Variants in ENPP6 observed in about 807,000 individuals in gnomAD.
The protein encoded by ENPP6 is glycerophosphocholine cholinephosphodiesterase ENPP6.
Under a neutral mutation model 42.0 loss-of-function variants are expected in ENPP6, and 32 were observed. The ratio of observed to expected loss-of-function variants is 0.76; its 90% CI spans 0.58 to 1.02. The LOEUF (loss-of-function observed/expected upper bound fraction) is 1.02, where lower values mean the gene tolerates loss of function less well. Ranked by LOEUF, ENPP6 falls within the 50% of genes least tolerant of loss-of-function variation. The pLI is 0.00. For missense variants in ENPP6, 552 were observed against 566.8 expected (o/e 0.97, Z 0.27); for synonymous variants, 213 against 216.0 (o/e 0.99, Z 0.12).
At chr4:184,146,572 C>T (rs1197984535) in intron 2 of ENPP6, among the ~76,000 whole-genome samples, 1 of 152,208 alleles carries the variant, frequency 6.6e-6, no homozygotes, top group African/African-American at 2.4e-5. Flanking sequence ...AAGTCCAGAG[C>T]TGGCCGGGGT....
intron 1 of ENPP6, among the ~76,000 whole-genome samples, chr4:184,215,927 A>T (rs1031305789): frequency 6.6e-6 from 1 of 152,150 alleles, no homozygotes; most frequent in African/African-American, 2.4e-5. Flanking sequence ...CCTTGTGCCA[A>T]TATCAGGAGT....
At chr4:184,130,418 C>T (rs1164742075) in intron 2 of ENPP6, among the ~76,000 whole-genome samples, 7 of 122,988 alleles carry the variant, frequency 5.7e-5, no homozygotes, top group East Asian at 2.2e-4. Context: ...ATTAGCCGGG[C>T]GTGGTGGTGG....
chr4:184,107,778 G>A (rs1223409199), intron 6 of ENPP6, among the ~76,000 whole-genome samples: 1 of 152,082 alleles, frequency 6.6e-6, no homozygotes, highest in African/African-American at 2.4e-5. Flanking sequence ...AGCCGGGCGT[G>A]GTGGCGGGCG....
At chr4:184,211,549 ATC>A (rs1394522188) in intron 1 of ENPP6, among the ~76,000 whole-genome samples, 1 of 152,258 alleles carries the variant, frequency 6.6e-6, no homozygotes, top group African/African-American at 2.4e-5. Context: ...AAGGAATTGA[ATC>A]TCTGAATAGA....
chr4:184,108,395 T>C (rs746073072), intron 6 of ENPP6, among the ~76,000 whole-genome samples: 13 of 152,166 alleles, frequency 8.5e-5, no homozygotes, highest in Non-Finnish European at 1.8e-4. Flanking sequence ...CTTTTACCAT[T>C]TGGGGAGAAG....
At chr4:184,200,173 G>A (rs73872815) in intron 1 of ENPP6, among the ~76,000 whole-genome samples, 6,425 of 152,234 alleles carry the variant, frequency 0.042, 439 homozygotes, top group African/African-American at 0.14. Flanking sequence ...AACTGGCCTC[G>A]TTCAAGACAC....
intron 2 of ENPP6, among the ~76,000 whole-genome samples, chr4:184,125,550 G>A (rs1279819154): frequency 6.6e-6 from 1 of 152,102 alleles, no homozygotes; most frequent in Non-Finnish European, 1.5e-5. Context: ...CCCCACCCCT[G>A]GGTACATCTG....
intron 2 of ENPP6, among the ~76,000 whole-genome samples, chr4:184,140,893 A>C (rs1736806606): frequency 1.4e-5 from 2 of 140,348 alleles, no homozygotes; most frequent in African/African-American, 5.4e-5. Context: ...GACAAATGGG[A>C]TCTAATTAAA....
At chr4:184,103,842 C>T (rs1736044763) in intron 6 of ENPP6, among the ~76,000 whole-genome samples, 1 of 152,164 alleles carries the variant, frequency 6.6e-6, no homozygotes, top group Admixed American at 6.5e-5. Context: ...ATTGCTCAGG[C>T]CTCGGCCTGC....
intron 5 of ENPP6, among the ~76,000 whole-genome samples, chr4:184,114,255 C>T (rs528059685): frequency 2.5e-4 from 38 of 152,284 alleles, no homozygotes; most frequent in African/African-American, 8.4e-4. Flanking sequence ...CGTCAGCCAT[C>T]GCGCCTGGCC....
chr4:184,125,340 G>C (rs1162161373), intron 2 of ENPP6, among the ~76,000 whole-genome samples: 1 of 152,176 alleles, frequency 6.6e-6, no homozygotes, highest in South Asian at 2.1e-4. Flanking sequence ...CTTGACCAAG[G>C]GTTCAGAGAA....
intron 1 of ENPP6, among the ~76,000 whole-genome samples, chr4:184,214,097 G>A (rs1213006937): frequency 2.2e-5 from 3 of 133,404 alleles, no homozygotes; most frequent in African/African-American, 8.9e-5. Context: ...TTGTGGGGTG[G>A]GGGGAGGCGG....
intron 2 of ENPP6, among the ~76,000 whole-genome samples, chr4:184,131,595 C>T (rs945498358): frequency 5.9e-5 from 9 of 151,402 alleles, no homozygotes; most frequent in Non-Finnish European, 5.9e-5. Context: ...AACTCTTGAC[C>T]TCAGGTGATC....
intron 2 of ENPP6, among the ~76,000 whole-genome samples, chr4:184,133,875 T>G (rs533168715): frequency 6.6e-6 from 1 of 151,712 alleles, no homozygotes; most frequent in South Asian, 2.1e-4. Context: ...TTGATTGATT[T>G]TTTTTTTTTT....
At chr4:184,124,059 C>A (rs1736461273) in intron 3 of ENPP6, 102 bp downstream of exon 3, 2 of 879,452 alleles carry the variant, frequency 2.3e-6, no homozygotes, top group Non-Finnish European at 3.6e-6. Context: ...AACTCTCTGA[C>A]ATTATTTCAT....
chr4:184,213,695 A>T (rs1195774719), intron 1 of ENPP6, among the ~76,000 whole-genome samples: 3 of 149,960 alleles, frequency 2.0e-5, no homozygotes, highest in Non-Finnish European at 3.0e-5. Flanking sequence ...TTCCTCAGGG[A>T]TCTAGAACTG....
chr4:184,156,135 A>G (rs1352952603), intron 1 of ENPP6, among the ~76,000 whole-genome samples: 2 of 152,164 alleles, frequency 1.3e-5, no homozygotes, highest in African/African-American at 4.8e-5. Context: ...CTGTGGAGAA[A>G]GTTGGGTTTC....
intron 2 of ENPP6, among the ~76,000 whole-genome samples, chr4:184,130,415 G>C (rs56232067): frequency 8.0e-6 from 1 of 124,634 alleles, no homozygotes; most frequent in African/African-American, 3.0e-5. Flanking sequence ...AAAATTAGCC[G>C]GGCGTGGTGG....
chr4:184,165,772 T>C (rs910276654), intron 1 of ENPP6, among the ~76,000 whole-genome samples: 2 of 152,196 alleles, frequency 1.3e-5, no homozygotes, highest in Non-Finnish European at 2.9e-5. Flanking sequence ...CTCAAGATAA[T>C]GGATACATTT....
Sources: allele counts gnomAD v4.1 joint callset (sites outside exome capture counted in the v4.1 genomes callset), GRCh38; gene constraint gnomAD v4.1.1; transcripts MANE v1.5; gene names NCBI Gene and HGNC (gene_info 2026-07-23, HGNC 2026-07-21).